Variants in MTCL1 observed in about 807,000 individuals in gnomAD.
The protein encoded by MTCL1 is microtubule cross-linking factor 1.
In MTCL1, 79 loss-of-function variants were observed where a neutral mutation model predicts 141.4. The observed-to-expected ratio is 0.56, with a 90% confidence interval of 0.47 to 0.67. The LOEUF (loss-of-function observed/expected upper bound fraction) is 0.67. MTCL1 is among the 30% of genes least tolerant of loss of function. The pLI, the probability that MTCL1 is intolerant of heterozygous loss-of-function variation, is 0.00. For missense variants in MTCL1, 2,177 were observed against 2,113.9 expected (o/e 1.03, Z -0.59); for synonymous variants, 914 against 875.8 (o/e 1.04, Z -0.77).
Position 8,822,576 on chromosome 18 carries a change from C to T in MTCL1, c.3188+1078C>T, listed in dbSNP as rs922774298. Among the ~76,000 whole-genome samples, 6 of 152,240 alleles carry T rather than the reference C, an allele frequency of 3.9e-5. No homozygotes were observed. Among genetic ancestry groups the T allele is most frequent in the African/African-American group, 1.4e-4 (6 of 41,454 alleles). On this transcript the variant is annotated intron_variant, in intron 14 of 16. Transcript: ENST00000359865. This position sits in a 1 kb window ranked among gnomAD's most constrained non-coding sequence, Gnocchi z 4.6. ...GAAGTGCTGGGATTACAGGCGTGAG[C>T]CACTGTGCCCAGCCCAAACTGCCTG...
At chr18:8,809,694 C>A in intron 11 of MTCL1, 1 of 1,369,652 alleles carries the variant, frequency 7.3e-7, no homozygotes, top group Non-Finnish European at 9.7e-7. Flanking sequence ...GAGCAACAGG[C>A]ACCTCGCACG....
exon 15 of MTCL1, chr18:8,825,688 C>A (rs1418441295): frequency 2.5e-6 from 4 of 1,613,858 alleles, no homozygotes; most frequent in Non-Finnish European, 3.4e-6. Flanking sequence ...TATGGTTCTC[C>A]CAAGCTGCAG....
chr18:8,787,918 C>T (rs1327244763), intron 7 of MTCL1, among the ~76,000 whole-genome samples: 2 of 152,114 alleles, frequency 1.3e-5, no homozygotes, highest in East Asian at 1.9e-4. Flanking sequence ...CGGGAGAGGC[C>T]GCCCTGTCCC....
intron 4 of MTCL1, among the ~76,000 whole-genome samples, chr18:8,748,528 CA>C (rs1380879184): frequency 4.0e-5 from 6 of 151,806 alleles, no homozygotes; most frequent in East Asian, 3.9e-4. Flanking sequence ...GGGTGGGTGA[CA>C]AAGCAAGACC....
chr18:8,784,617 G>A, exon 6 of MTCL1: 9 of 1,613,620 alleles, frequency 5.6e-6, no homozygotes, highest in African/African-American at 1.3e-5. Context: ...GAGGAGCAGG[G>A]TGAGGGGGAC....
intron 10 of MTCL1, among the ~76,000 whole-genome samples, chr18:8,799,000 G>A (rs972076819): frequency 1.3e-5 from 2 of 152,200 alleles, no homozygotes; most frequent in Non-Finnish European, 2.9e-5. Flanking sequence ...ACTTTATTAT[G>A]TATTAATAAT....
At chr18:8,708,312 A>G (rs943043056) in intron 1 of MTCL1, among the ~76,000 whole-genome samples, 5 of 152,208 alleles carry the variant, frequency 3.3e-5, no homozygotes, top group Non-Finnish European at 4.4e-5. Context: ...AAGGTAGGCT[A>G]TCCATCATTT....
chr18:8,724,903 T>C (rs2096197942), intron 4 of MTCL1, among the ~76,000 whole-genome samples: 1 of 152,038 alleles, frequency 6.6e-6, no homozygotes, highest in African/African-American at 2.4e-5. Flanking sequence ...CTATTCACTC[T>C]TGGAGTCTGT....
chr18:8,715,938 A>G (rs73394576), upstream of MTCL1, among the ~76,000 whole-genome samples: 2 of 152,146 alleles, frequency 1.3e-5, no homozygotes, highest in Non-Finnish European at 2.9e-5. Context: ...GAAGAGCCCA[A>G]ACCACCCATT....
chr18:8,719,986 G>C (rs2148810763), intron 3 of MTCL1: 1 of 189,320 alleles, frequency 5.3e-6, no homozygotes, highest in East Asian at 1.3e-4. Context: ...GATCATCTGT[G>C]AGGGAGGAGG....
intron 4 of MTCL1, among the ~76,000 whole-genome samples, chr18:8,775,571 T>TCAAAACAAAACAAAA (rs61282689): frequency 1.3e-5 from 2 of 151,858 alleles, no homozygotes; most frequent in South Asian, 2.1e-4. Flanking sequence ...AGATTCCGTC[T>TCAAAACAAAACAAAA]CAAAACAAAA....
At chr18:8,758,899 T>A (rs767765960) in intron 4 of MTCL1, among the ~76,000 whole-genome samples, 3 of 152,176 alleles carry the variant, frequency 2.0e-5, no homozygotes, top group Non-Finnish European at 4.4e-5. Context: ...CAGATTTCTC[T>A]AAAAAATTCC....
chr18:8,768,392 GA>G (rs1265920933), intron 4 of MTCL1, among the ~76,000 whole-genome samples: 1 of 152,148 alleles, frequency 6.6e-6, no homozygotes, highest in Non-Finnish European at 1.5e-5. Context: ...ACTGAGTTTT[GA>G]CAACTGTATA....
chr18:8,784,967 C>A, intron 6 of MTCL1, 124 bp downstream of exon 5: 1 of 789,950 alleles, frequency 1.3e-6, no homozygotes, highest in Non-Finnish European at 1.8e-6. Context: ...CTGCATTGTA[C>A]TAAAGCCTCC....
At chr18:8,753,586 C>G (rs1402729385) in intron 4 of MTCL1, among the ~76,000 whole-genome samples, 1 of 152,152 alleles carries the variant, frequency 6.6e-6, no homozygotes, top group Non-Finnish European at 1.5e-5. Context: ...GTCCTTTTTA[C>G]CTGGTGACAT....
exon 6 of MTCL1, chr18:8,784,183 C>G: frequency 1.2e-6 from 2 of 1,613,838 alleles, no homozygotes; most frequent in Non-Finnish European, 1.7e-6. Flanking sequence ...AACTGCAGCA[C>G]GAGAACCACG....
Position 8,825,190 on chromosome 18 carries a change from A to AG in MTCL1, c.3683dup (p.Gly1229ArgfsTer30), listed in dbSNP as rs1399318949. The AG allele has an allele frequency of 7.6e-6, 12 of 1,583,420 alleles. No homozygotes were observed. Among genetic ancestry groups the AG allele is most frequent in the Admixed American group, 5.2e-5 (3 of 57,340 alleles). On this transcript the variant is annotated frameshift_variant, in exon 15 of 17. Transcript: ENST00000359865. LOFTEE classifies it high-confidence loss of function. ...GCCAGAGGGAGCCCGGGAGACACCA[A>AG]GGGAGGCCCTCCAGAACCCATGCTC...
intron 4 of MTCL1, among the ~76,000 whole-genome samples, chr18:8,742,358 G>A (rs887510655): frequency 1.3e-5 from 2 of 152,138 alleles, no homozygotes; most frequent in African/African-American, 4.8e-5. Flanking sequence ...AGACGCACCT[G>A]AGACTGGGTA....
intron 4 of MTCL1, among the ~76,000 whole-genome samples, chr18:8,755,163 A>T (rs1226395642): frequency 1.3e-5 from 2 of 152,204 alleles, no homozygotes; most frequent in Non-Finnish European, 2.9e-5. Context: ...AATGCATAGG[A>T]CGACTGTGGC....
Sources: gnomAD v4.1 joint callset for allele counts (sites outside exome capture counted in the v4.1 genomes callset) on GRCh38, gnomAD v4.1.1 for gene constraint, Gnocchi (gnomAD v3.1) non-coding constraint, MANE v1.5 for transcripts, NCBI Gene and HGNC (gene_info 2026-07-23, HGNC 2026-07-21) for gene names.